The following WDR89 variants were observed in gnomAD, a reference collection of about 807,000 sequenced individuals.
WDR89 encodes the protein WD repeat domain 89.
Under a neutral mutation model 29.1 loss-of-function variants are expected in WDR89, and 17 were observed. That is an observed-to-expected ratio of 0.58 (90% CI 0.40 to 0.88). WDR89 has a LOEUF of 0.88. Ranked by LOEUF, WDR89 falls within the 40% of genes least tolerant of loss-of-function variation. The pLI is 0.00. For missense variants in WDR89, 396 were observed against 456.3 expected (o/e 0.87, Z 1.20); for synonymous variants, 138 against 157.8 (o/e 0.87, Z 0.94).
chr14:63,620,663 C>A (rs1253622792), intron 2 of WDR89, among the ~76,000 whole-genome samples: 1 of 151,846 alleles, frequency 6.6e-6, no homozygotes, highest in Non-Finnish European at 1.5e-5. Context: ...GGCAGGCGGA[C>A]TGCTTGAAGT....
At chr14:63,601,950 T>A in intron 2 of WDR89, 1 of 419,100 alleles carries the variant, frequency 2.4e-6, no homozygotes, top group South Asian at 3.5e-5. Flanking sequence ...ATAAAATAAA[T>A]TCTTCTATTG....
intron 2 of WDR89, chr14:63,601,559 T>G: frequency 6.3e-7 from 1 of 1,594,808 alleles, no homozygotes; most frequent in Non-Finnish European, 8.6e-7. Context: ...GAGTATTGGT[T>G]GAAAGGAGTG....
chr14:63,636,729 A>T (rs1274104576), intron 1 of WDR89, among the ~76,000 whole-genome samples: 1 of 152,220 alleles, frequency 6.6e-6, no homozygotes, highest in Non-Finnish European at 1.5e-5. Flanking sequence ...GAAAAATGAA[A>T]CTGGATCCTC....
chr14:63,631,065 T>G (rs993717881), intron 1 of WDR89, among the ~76,000 whole-genome samples: 1 of 152,242 alleles, frequency 6.6e-6, no homozygotes, highest in African/African-American at 2.4e-5. Flanking sequence ...GGGCCCAGCC[T>G]GTACTGTCTA....
intron 1 of WDR89, among the ~76,000 whole-genome samples, chr14:63,627,881 G>A (rs553167170): frequency 6.6e-6 from 1 of 152,252 alleles, no homozygotes; most frequent in African/African-American, 2.4e-5. Flanking sequence ...GAGCCCAGGA[G>A]GTCGAGTAGA....
At chr14:63,621,432 T>C (rs755842058) in intron 2 of WDR89, among the ~76,000 whole-genome samples, 4 of 151,952 alleles carry the variant, frequency 2.6e-5, no homozygotes, top group Non-Finnish European at 4.4e-5. Context: ...ACCCCATCTC[T>C]ACTAAAAATA....
chr14:63,634,909 G>A (rs573369540), intron 1 of WDR89, among the ~76,000 whole-genome samples: 49 of 150,388 alleles, frequency 3.3e-4, no homozygotes, highest in Middle Eastern at 3.4e-3. Context: ...ATGGTGGTGC[G>A]TGCCTGTAGT....
At chr14:63,625,077 T>A (rs1341433949) in intron 1 of WDR89, 44 bp from the exon 2 acceptor site, 1 of 151,186 alleles carries the variant, frequency 6.6e-6, no homozygotes, top group African/African-American at 2.4e-5. Flanking sequence ...CACAAAAAAA[T>A]AAACAACAAA....
chr14:63,606,722 C>G (rs963577508), intron 2 of WDR89, among the ~76,000 whole-genome samples: 3 of 152,186 alleles, frequency 2.0e-5, no homozygotes, highest in African/African-American at 4.8e-5. Flanking sequence ...AACTGGAGTT[C>G]ACCAAATGCT....
intron 1 of WDR89, among the ~76,000 whole-genome samples, chr14:63,636,822 A>G (rs1351373754): frequency 6.6e-6 from 1 of 152,236 alleles, no homozygotes; most frequent in Non-Finnish European, 1.5e-5. Context: ...CTAGAAGACA[A>G]CATTGGAAAA....
At chr14:63,617,301 A>C (rs1370057096) in intron 2 of WDR89, among the ~76,000 whole-genome samples, 1 of 152,010 alleles carries the variant, frequency 6.6e-6, no homozygotes, top group African/African-American at 2.4e-5. Flanking sequence ...GGCTGGTTGC[A>C]AACTCCTGAC....
intron 2 of WDR89, among the ~76,000 whole-genome samples, chr14:63,614,257 G>A (rs191784601): frequency 4.5e-4 from 69 of 151,936 alleles, no homozygotes; most frequent in African/African-American, 1.6e-3. Flanking sequence ...AGCTTTATAC[G>A]AGACATTCAA....
chr14:63,601,428 C>T, intron 2 of WDR89: 1 of 867,310 alleles, frequency 1.2e-6, no homozygotes, highest in East Asian at 2.6e-5. Context: ...AAGTTCAAGG[C>T]CAGAAAAACA....
At position 63,640,261 on chromosome 14, in the gene WDR89, A is replaced by C. The variant is rs566159451; in HGVS notation, c.-138+1543T>G. Among the ~76,000 whole-genome samples, 47 of 152,328 alleles carry C rather than the reference A, an allele frequency of 3.1e-4. No homozygotes were observed. The South Asian group carries it at 9.7e-3, about 32-fold the overall frequency. Reference sequence around the variant, plus strand: ...AAGAAAGAATTTGAAAAGCAGAAACAGTCACGTGGCTTTCATCGGTAACAT... The same window carrying C: ...AAGAAAGAATTTGAAAAGCAGAAACCGTCACGTGGCTTTCATCGGTAACAT... On this transcript the variant is annotated intron_variant, in intron 1 of 2. Transcript: ENST00000620954.
chr14:63,598,750 A>T lies in WDR89; in HGVS notation c.*29T>A. 1 of 1,534,850 alleles carries T rather than the reference A, an allele frequency of 6.5e-7. No individual in the cohort carries two copies. The highest frequency in any genetic ancestry group is 8.7e-7 in the Non-Finnish European group (1 of 1,143,410). On this transcript the variant is annotated 3_prime_UTR_variant, in exon 3 of 3. Transcript: ENST00000620954. The stretch of plus-strand genomic sequence containing the variant: ...AAGAAGGACTATTTGAAACTATAAA[A>T]CCTACCAAACAAAGTGCCAAATGCA...
chr14:63,628,943 AAAAAAC>A (rs1253004966), intron 1 of WDR89, among the ~76,000 whole-genome samples: 1 of 150,524 alleles, frequency 6.6e-6, no homozygotes, highest in Non-Finnish European at 1.5e-5. Context: ...TGTCTCAAAA[AAAAAAC>A]AAAAAACAAA....
intron 1 of WDR89, among the ~76,000 whole-genome samples, chr14:63,629,305 T>C (rs1197501113): frequency 1.3e-5 from 2 of 152,224 alleles, no homozygotes; most frequent in Non-Finnish European, 2.9e-5. Flanking sequence ...TTCCAGATCT[T>C]TAACTCCAAA....
chr14:63,622,587 A>G (rs1030408168), intron 2 of WDR89, among the ~76,000 whole-genome samples: 2 of 151,956 alleles, frequency 1.3e-5, no homozygotes, highest in Admixed American at 1.3e-4. Flanking sequence ...TCTCAAAAAA[A>G]CAAACAATCA....
intron 2 of WDR89, among the ~76,000 whole-genome samples, chr14:63,612,854 C>T (rs1380579801): frequency 6.6e-6 from 1 of 152,076 alleles, no homozygotes; most frequent in Non-Finnish European, 1.5e-5. Flanking sequence ...CTAATGTCTC[C>T]AGGCTCAGTT....
Sources: gnomAD v4.1 joint callset for allele counts (sites outside exome capture counted in the v4.1 genomes callset) on GRCh38, gnomAD v4.1.1 for gene constraint, MANE v1.5 for transcripts, NCBI Gene and HGNC (gene_info 2026-07-23, HGNC 2026-07-21) for gene names.